IRAK3: variants seen among roughly 807,000 people sequenced by gnomAD.
The protein encoded by IRAK3 is interleukin 1 receptor associated kinase 3.
Under a neutral mutation model 56.6 loss-of-function variants are expected in IRAK3, and 57 were observed. That is an observed-to-expected ratio of 1.01 (90% CI 0.81 to 1.26). The LOEUF is 1.26. Ranked by LOEUF, IRAK3 falls within the 50% of genes most tolerant of loss-of-function variation. IRAK3 has a pLI of 0.00. For missense variants in IRAK3, 703 were observed against 719.0 expected (o/e 0.98, Z 0.25); for synonymous variants, 258 against 255.7 (o/e 1.01, Z -0.09).
intron 6 of IRAK3, among the ~76,000 whole-genome samples, chr12:66,220,573 T>C (rs1167784002): frequency 1.6e-5 from 2 of 126,720 alleles, no homozygotes; most frequent in Non-Finnish European, 3.2e-5. Flanking sequence ...CAGGCTGGAG[T>C]GCAGTGGCGG....
intron 5 of IRAK3, among the ~76,000 whole-genome samples, chr12:66,216,940 C>T (rs902323201): frequency 6.6e-6 from 1 of 152,136 alleles, no homozygotes; most frequent in Non-Finnish European, 1.5e-5. Flanking sequence ...GTTAACATGG[C>T]GATACACTGC....
intron 1 of IRAK3, among the ~76,000 whole-genome samples, chr12:66,190,345 T>C (rs2052387454): frequency 6.6e-6 from 1 of 151,984 alleles, no homozygotes; most frequent in Non-Finnish European, 1.5e-5. Flanking sequence ...CAAAAAATGT[T>C]TATATATTTT....
chr12:66,205,115 TTGC>T (rs1390659622), intron 2 of IRAK3, among the ~76,000 whole-genome samples: 1 of 152,228 alleles, frequency 6.6e-6, no homozygotes, highest in African/African-American at 2.4e-5. Flanking sequence ...CCCACATGGC[TTGC>T]TGTTCACAAT....
chr12:66,250,749 C>G lies in IRAK3; in HGVS notation c.*2578C>G, dbSNP rs897403425. The G allele has an allele frequency of 6.6e-6, 1 of 152,218 alleles. No homozygotes were observed. Among genetic ancestry groups the G allele is most frequent in the Non-Finnish European group, 1.5e-5 (1 of 68,034 alleles). The allele number at this position is 152,218 out of a possible 1,614,324, so 9.4% of individuals were successfully genotyped here. A position where few individuals can be genotyped will look rare whatever the true frequency, so the allele number is the denominator to read the frequency against. Reference sequence around the variant, plus strand: ...TGGGTATTATGTTGATTTGAACTTGCTTAGCTGACTTAAAGCAGGGTTTCT... The same window carrying G: ...TGGGTATTATGTTGATTTGAACTTGGTTAGCTGACTTAAAGCAGGGTTTCT... On this transcript the variant is annotated 3_prime_UTR_variant, in exon 12 of 12. Transcript: ENST00000261233.
At chr12:66,197,698 T>C in intron 1 of IRAK3, 2 of 985,442 alleles carry the variant, frequency 2.0e-6, no homozygotes, top group Non-Finnish European at 1.2e-6. Flanking sequence ...CTAGCTTTCC[T>C]TAGATGTGAT....
intron 8 of IRAK3, among the ~76,000 whole-genome samples, chr12:66,244,125 T>G (rs2053001709): frequency 6.6e-6 from 1 of 152,202 alleles, no homozygotes; most frequent in Admixed American, 6.5e-5. Context: ...ATCAGCTGAT[T>G]AAAACTCAGT....
intron 5 of IRAK3, among the ~76,000 whole-genome samples, chr12:66,215,788 A>ACGTGCACGTGCGCGCGCGTG (rs375264640): frequency 5.3e-5 from 7 of 131,612 alleles, no homozygotes; most frequent in East Asian, 2.1e-4. Flanking sequence ...CCCAACATGC[A>ACGTGCACGTGCGCGCGCGTG]CACACACACA....
intron 1 of IRAK3, among the ~76,000 whole-genome samples, chr12:66,190,350 T>C (rs1481974782): frequency 1.3e-5 from 2 of 151,624 alleles, no homozygotes; most frequent in African/African-American, 2.4e-5. Flanking sequence ...AATGTTTATA[T>C]ATTTTAAGCT....
At chr12:66,211,356 A>T (rs1165445449) in intron 4 of IRAK3, 90 bp from the exon 5 acceptor site, 2 of 946,314 alleles carry the variant, frequency 2.1e-6, no homozygotes, top group African/African-American at 3.2e-5. Context: ...CTTCCACTGG[A>T]CTCTGATTTG....
At chr12:66,213,993 G>C (rs1329471324) in intron 5 of IRAK3, among the ~76,000 whole-genome samples, 1 of 152,208 alleles carries the variant, frequency 6.6e-6, no homozygotes. Context: ...AGCAGTTGCA[G>C]AGACCTGGAG....
At chr12:66,196,770 C>A in intron 1 of IRAK3, 1 of 1,148,878 alleles carries the variant, frequency 8.7e-7, no homozygotes, top group Non-Finnish European at 1.2e-6. Context: ...TTTTGTTTTA[C>A]TCTTTTGGAA....
Position 66,244,379 on chromosome 12 carries a change from G to C in IRAK3, c.888-107G>C, listed in dbSNP as rs1212140304. The C allele has an allele frequency of 5.1e-6, 4 of 779,282 alleles. No homozygotes were observed. The East Asian group carries it at 1.0e-4, about 20-fold the overall frequency. 48.3% of individuals were successfully genotyped at this position (779,282 alleles called of 1,614,324 possible). On this transcript the variant is annotated intron_variant, in intron 8 of 11. Transcript: ENST00000261233. ...AAATTTGTTTGGCTTTATTTTGACA[G>C]TGTTTCGAATTAACCAGATATGAAG...
At chr12:66,240,332 A>C (rs185070950) in intron 8 of IRAK3, among the ~76,000 whole-genome samples, 72 of 152,318 alleles carry the variant, frequency 4.7e-4, no homozygotes, top group Non-Finnish European at 7.5e-4. Flanking sequence ...CTTTGCACCG[A>C]GTGCCTAGAC....
In IRAK3 at chr12:66,209,525, A is replaced by G; in HGVS notation, c.381+5A>G. ...TTTCCAAATATATTATTCAAGGTAGAGTATGTGTGCATAGAAAATGAGCCT... is the reference window on the plus strand; with the variant it reads ...TTTCCAAATATATTATTCAAGGTAGGGTATGTGTGCATAGAAAATGAGCCT... On this transcript the variant is annotated splice_donor_5th_base_variant and intron_variant, in intron 3 of 11. Coordinates refer to ENST00000261233, the MANE Select transcript of IRAK3 (RefSeq NM_007199.3). 1 of 1,535,064 alleles carries G rather than the reference A, an allele frequency of 6.5e-7. No homozygotes were observed.
intron 8 of IRAK3, among the ~76,000 whole-genome samples, chr12:66,235,554 TCG>T: frequency 6.6e-6 from 1 of 151,862 alleles, no homozygotes; most frequent in Middle Eastern, 3.4e-3. Flanking sequence ...GGACGGGAGT[TCG>T]CGCGCGGAGC....
Position 66,252,993 on chromosome 12 carries a change from T to C in IRAK3, c.*4822T>C, listed in dbSNP as rs1430590371. 3 of 152,218 alleles carry C rather than the reference T, an allele frequency of 2.0e-5. No homozygotes were observed. In the East Asian group the frequency reaches 5.8e-4, roughly 29 times the overall value. The allele number at this position is 152,218 out of a possible 1,614,324, so 9.4% of individuals were successfully genotyped here. On this transcript the variant is annotated 3_prime_UTR_variant, in exon 12 of 12. Coordinates refer to ENST00000261233, the MANE Select transcript of IRAK3 (RefSeq NM_007199.3). Reference sequence around the variant, plus strand: ...GATACTGGAGTTGCCTGTTAAATTATATTTCTTCTTCCACAAAACTGCAGG... The same window carrying C: ...GATACTGGAGTTGCCTGTTAAATTACATTTCTTCTTCCACAAAACTGCAGG...
chr12:66,219,882 A>G (rs1216657174), intron 6 of IRAK3, among the ~76,000 whole-genome samples: 1 of 152,140 alleles, frequency 6.6e-6, no homozygotes, highest in Non-Finnish European at 1.5e-5. Context: ...TCATTTGCCC[A>G]TTTTTATCAG....
intron 1 of IRAK3, among the ~76,000 whole-genome samples, chr12:66,196,447 G>C (rs1314027069): frequency 6.6e-6 from 1 of 152,188 alleles, no homozygotes; most frequent in Non-Finnish European, 1.5e-5. Flanking sequence ...TGGGGAAATA[G>C]TATTGATATT....
intron 7 of IRAK3, 66 bp from the exon 8 acceptor site, chr12:66,228,186 A>C: frequency 9.1e-7 from 1 of 1,096,270 alleles, no homozygotes. Flanking sequence ...GTATGTCTGC[A>C]TAATGAATAC....
Sources: allele counts gnomAD v4.1 joint callset (sites outside exome capture counted in the v4.1 genomes callset), GRCh38; gene constraint gnomAD v4.1.1; transcripts MANE v1.5; gene names NCBI Gene and HGNC (gene_info 2026-07-23, HGNC 2026-07-21).